The following HDAC8 variants were observed in gnomAD, a reference collection of about 807,000 sequenced individuals.
The protein encoded by HDAC8 is histone deacetylase 8.
HDAC8 carries 1 observed loss-of-function variant against 32.2 expected under a neutral mutation model. That is an observed-to-expected ratio of 0.03 (90% CI 0.01 to 0.15). HDAC8 has a LOEUF of 0.15. Among genes scored for constraint, HDAC8 ranks in the 10% least tolerant of loss-of-function variants. The pLI is 1.00. For missense variants in HDAC8, 117 were observed against 300.0 expected, an observed-to-expected ratio of 0.39 and a Z score of 4.51; for synonymous variants, 108 against 113.9, an observed-to-expected ratio of 0.95 and a Z score of 0.33.
At chrX:72,465,260 G>A (rs998032427) in intron 7 of HDAC8, among the ~76,000 whole-genome samples, 9 of 111,478 alleles carry the variant, frequency 8.1e-5, no homozygotes, top group African/African-American at 2.9e-4. Context: ...GTTATGAAAT[G>A]CAATCCTCCC....
At chrX:72,464,414 T>G in intron 8 of HDAC8, 145 bp downstream of exon 8, 1 of 520,606 alleles carries the variant, frequency 1.9e-6, no homozygotes. Flanking sequence ...ACTGTGGAGG[T>G]GGCAGATTTT....
At chrX:72,431,127 A>G (rs975149700) in intron 9 of HDAC8, among the ~76,000 whole-genome samples, 1 of 110,852 alleles carries the variant, frequency 9.0e-6, no homozygotes, top group Non-Finnish European at 1.9e-5. Context: ...AGCCTAGACC[A>G]CATGATTACA....
intron 6 of HDAC8, among the ~76,000 whole-genome samples, chrX:72,490,604 G>A (rs1556008779): frequency 1.3e-5 from 1 of 78,502 alleles, no homozygotes; most frequent in Non-Finnish European, 2.4e-5. Flanking sequence ...GGACTGTTGC[G>A]GGGTGGGGGG....
chrX:72,439,605 A>C (rs1023726286), intron 9 of HDAC8, among the ~76,000 whole-genome samples: 4 of 98,672 alleles, frequency 4.1e-5, no homozygotes, highest in Non-Finnish European at 5.9e-5. Context: ...CTCAAAATAA[A>C]GGGATGGATG....
chrX:72,477,524 C>T (rs2048370778), intron 7 of HDAC8, among the ~76,000 whole-genome samples: 1 of 111,810 alleles, frequency 8.9e-6, no homozygotes, highest in African/African-American at 3.3e-5. Context: ...CCCTAAGATT[C>T]AAAGCCGAAA....
chrX:72,342,335 G>C (rs1442657434), intron 10 of HDAC8, among the ~76,000 whole-genome samples: 1 of 112,492 alleles, frequency 8.9e-6, no homozygotes, highest in East Asian at 2.8e-4. Context: ...TCTGTGGTGA[G>C]AATCCTGCAG....
chrX:72,354,512 A>G (rs1555949989), intron 9 of HDAC8, among the ~76,000 whole-genome samples: 1 of 112,526 alleles, frequency 8.9e-6, no homozygotes, highest in Non-Finnish European at 1.9e-5. Flanking sequence ...CATATAGCTA[A>G]TTGTGTGAAA....
chrX:72,537,036 G>A (rs2050552330), intron 4 of HDAC8, among the ~76,000 whole-genome samples: 1 of 111,828 alleles, frequency 8.9e-6, no homozygotes, highest in Non-Finnish European at 1.9e-5. Flanking sequence ...CTTAGAATAT[G>A]CTTTTGAAGA....
chrX:72,473,089 C>G (rs782120434), intron 7 of HDAC8, among the ~76,000 whole-genome samples: 1 of 112,416 alleles, frequency 8.9e-6, no homozygotes, highest in South Asian at 3.7e-4. Flanking sequence ...CTTCTTAATT[C>G]AAAAACCTTT....
chrX:72,494,757 T>A (rs782435641), intron 5 of HDAC8, among the ~76,000 whole-genome samples: 2 of 111,896 alleles, frequency 1.8e-5, no homozygotes, highest in East Asian at 5.6e-4. Context: ...AAATTCAGAA[T>A]GTTAGCCCAT....
chrX:72,472,302 C>G (rs1456676649), intron 7 of HDAC8, among the ~76,000 whole-genome samples: 1 of 110,410 alleles, frequency 9.1e-6, no homozygotes, highest in Non-Finnish European at 1.9e-5. Context: ...CTCCTGACCT[C>G]GTGATCCGCC....
At chrX:72,555,805 A>G (rs1376878325) in intron 4 of HDAC8, among the ~76,000 whole-genome samples, 2 of 112,749 alleles carry the variant, frequency 1.8e-5, no homozygotes, top group African/African-American at 6.4e-5. Flanking sequence ...CGAAGAAGAT[A>G]AATCTAAAAG....
At chrX:72,508,910 AT>A (rs1247946543) in intron 4 of HDAC8, among the ~76,000 whole-genome samples, 1 of 112,051 alleles carries the variant, frequency 8.9e-6, no homozygotes, top group Non-Finnish European at 1.9e-5. Flanking sequence ...AAAGAAACGT[AT>A]GATTGACATA....
intron 4 of HDAC8, among the ~76,000 whole-genome samples, chrX:72,548,619 A>G (rs1556061883): frequency 9.0e-6 from 1 of 111,055 alleles, no homozygotes; most frequent in East Asian, 2.8e-4. Flanking sequence ...CATCTTCATC[A>G]TCACCTCCTT....
chrX:72,433,413 T>C (rs1224306734), intron 9 of HDAC8, among the ~76,000 whole-genome samples: 1 of 112,195 alleles, frequency 8.9e-6, no homozygotes, highest in African/African-American at 3.2e-5. Context: ...TTGTGAAACA[T>C]AATAGAATGG....
At chrX:72,540,458 C>T (rs1237681794) in intron 4 of HDAC8, among the ~76,000 whole-genome samples, 9 of 111,103 alleles carry the variant, frequency 8.1e-5, no homozygotes, top group African/African-American at 2.0e-4. Flanking sequence ...ACGAGAATGA[C>T]GTTAATAGAA....
intron 7 of HDAC8, among the ~76,000 whole-genome samples, chrX:72,480,013 G>A (rs1375815002): frequency 8.9e-6 from 1 of 111,961 alleles, no homozygotes; most frequent in East Asian, 2.8e-4. Flanking sequence ...TAAATGAATG[G>A]CTCACTTTGG....
intron 9 of HDAC8, among the ~76,000 whole-genome samples, chrX:72,444,525 G>A (rs2047305893): frequency 9.3e-6 from 1 of 108,001 alleles, no homozygotes; most frequent in African/African-American, 3.4e-5. Context: ...AGGTATTGAT[G>A]GGACGTATCT....
chrX:72,419,868 GT>G (rs2046438403), intron 9 of HDAC8, among the ~76,000 whole-genome samples: 2 of 110,558 alleles, frequency 1.8e-5, no homozygotes, highest in South Asian at 7.7e-4. Flanking sequence ...ACAACCATGT[GT>G]TTTTTTTCTT....
Sources: gnomAD v4.1 joint callset for allele counts (sites outside exome capture counted in the v4.1 genomes callset) on GRCh38, gnomAD v4.1.1 for gene constraint, MANE v1.5 for transcripts, NCBI Gene and HGNC (gene_info 2026-07-23, HGNC 2026-07-21) for gene names.